Variants in PCDHGA12 observed in about 807,000 individuals in gnomAD.
PCDHGA12 encodes the protein protocadherin gamma-A12.
Under a neutral mutation model 61.1 loss-of-function variants are expected in PCDHGA12, and 43 were observed. The ratio of observed to expected loss-of-function variants is 0.70; its 90% CI spans 0.55 to 0.91. PCDHGA12 has a LOEUF of 0.91. PCDHGA12 is among the 40% of genes least tolerant of loss of function. The pLI is 0.00. For missense variants in PCDHGA12, 1,236 were observed against 1,227.7 expected, an observed-to-expected ratio of 1.01 and a Z score of -0.10; for synonymous variants, 520 against 542.9, an observed-to-expected ratio of 0.96 and a Z score of 0.59.
At chr5:141,484,454 G>T (rs932663778) in intron 1 of PCDHGA12, among the ~76,000 whole-genome samples, 2 of 152,212 alleles carry the variant, frequency 1.3e-5, no homozygotes, top group Non-Finnish European at 2.9e-5. Context: ...AATTGGCTAC[G>T]TTAATGTGTA....
chr5:141,484,068 G>C (rs1287427208), intron 1 of PCDHGA12, among the ~76,000 whole-genome samples: 1 of 152,114 alleles, frequency 6.6e-6, no homozygotes, highest in African/African-American at 2.4e-5. Flanking sequence ...TAAGTGAAAA[G>C]CTTGCTCTTT....
chr5:141,482,102 A>T (rs1016315214), intron 1 of PCDHGA12, among the ~76,000 whole-genome samples: 13 of 151,860 alleles, frequency 8.6e-5, no homozygotes, highest in African/African-American at 2.7e-4. Context: ...AAAAAAAAAA[A>T]AAATATCTAG....
Position 141,512,910 on chromosome 5 carries a change from T to C in PCDHGA12, c.*1737T>C, listed in dbSNP as rs2099884499. On this transcript the variant is annotated 3_prime_UTR_variant, in exon 4 of 4. Transcript: ENST00000252085. Reference sequence around the variant, plus strand: ...CTCTTCCTGTGTCTCACGCAAGTTTTATACTCTAATATTTATATGGCTTTT... The same window carrying C: ...CTCTTCCTGTGTCTCACGCAAGTTTCATACTCTAATATTTATATGGCTTTT... 1 of 152,274 alleles carries C rather than the reference T, an allele frequency of 6.6e-6. No homozygotes were observed. The highest frequency in any genetic ancestry group is 2.1e-4 in the South Asian group (1 of 4,836). 9.4% of individuals were successfully genotyped at this position (152,274 alleles called of 1,614,324 possible). A position where few individuals can be genotyped will look rare whatever the true frequency, so the allele number is the denominator to read the frequency against.
At chr5:141,484,795 C>G (rs1265916821) in intron 1 of PCDHGA12, among the ~76,000 whole-genome samples, 1 of 151,902 alleles carries the variant, frequency 6.6e-6, no homozygotes, top group Middle Eastern at 3.4e-3. Flanking sequence ...AGATAACAAC[C>G]CGTGGAAAAA....
chr5:141,435,951 G>A (rs371199258), intron 1 of PCDHGA12, among the ~76,000 whole-genome samples: 1 of 152,100 alleles, frequency 6.6e-6, no homozygotes, highest in Non-Finnish European at 1.5e-5. Context: ...ACCAAAAAAG[G>A]GGGCAAAATA....
Position 141,432,148 on chromosome 5 carries a change from G to C in PCDHGA12, c.1389G>C (p.Glu463Asp). ...CCTCCTATTCCGCTTATATCCCAGA[G>C]AACAATCCCAGAGGAGTTTCCCTCG... ...PQASYSAYIP[E>D]NNPRGVSLVS... is the part of the protein sequence containing the mutation. Residue 463 changes from glutamate to aspartate, a missense_variant, in exon 1 of 4, where the codon GAG becomes GAC. Glu to Asp is a conservative substitution (Grantham distance 45). Coordinates refer to ENST00000252085, the MANE Select transcript of PCDHGA12 (RefSeq NM_003735.3). The surrounding 1 kb of genome is among the most constrained non-coding windows in gnomAD (Gnocchi z 6.0). 6.2e-7 allele frequency: 1 copy of C among 1,614,002 alleles called. No individual in the cohort carries two copies. Among genetic ancestry groups the C allele is most frequent in the East Asian group, 2.2e-5 (1 of 44,876 alleles).
In PCDHGA12 at chr5:141,433,196, C is replaced by A. The variant is rs750657930; in HGVS notation, c.2424+13C>A. On this transcript the variant is annotated intron_variant, in intron 1 of 3. Coordinates refer to ENST00000252085, the MANE Select transcript of PCDHGA12 (RefSeq NM_003735.3). ...TGGGTTAATTGAGGTGAGTTTATAT[C>A]AAATCTTCTTTCTTTTTTTTTTTTA... 7 of 1,575,116 alleles carry A rather than the reference C, an allele frequency of 4.4e-6. No homozygotes were observed. The highest frequency in any genetic ancestry group is 1.4e-5 in the African/African-American group (1 of 72,692).
At chr5:141,481,656 A>G (rs1425280340) in intron 1 of PCDHGA12, among the ~76,000 whole-genome samples, 1 of 152,084 alleles carries the variant, frequency 6.6e-6, no homozygotes, top group Non-Finnish European at 1.5e-5. Context: ...CATCTCTACT[A>G]ATAATACAAA....
intron 1 of PCDHGA12, among the ~76,000 whole-genome samples, chr5:141,482,089 CA>C (rs36035257): frequency 0.43 from 58,297 of 134,322 alleles, 12,050 homozygotes; most frequent in African/African-American, 0.53. Context: ...CACTCCATCT[CA>C]AAAAAAAAAA....
rs763187246 is a variant in PCDHGA12 at position 141,477,168 on chromosome 5, A to G, written c.2425-17639A>G. ...GTGGATGTGAATGACAACGCCCCGGAGATCACAGTCACCTCCGTGTACAGC... is the reference window on the plus strand; with the variant it reads ...GTGGATGTGAATGACAACGCCCCGGGGATCACAGTCACCTCCGTGTACAGC... On this transcript the variant is annotated intron_variant, in intron 1 of 3. Transcript: ENST00000252085. The surrounding 1 kb of genome is among the most constrained non-coding windows in gnomAD (Gnocchi z 4.9). The G allele has an allele frequency of 6.2e-7, 1 of 1,614,210 alleles. No homozygotes were observed. Among genetic ancestry groups the G allele is most frequent in the Non-Finnish European group, 8.5e-7 (1 of 1,180,040 alleles).
Position 141,476,562 on chromosome 5 carries a change from C to G in PCDHGA12, c.2425-18245C>G. 1 of 1,614,218 alleles carries G rather than the reference C, an allele frequency of 6.2e-7. No individual in the cohort carries two copies. The highest frequency in any genetic ancestry group is 1.1e-5 in the South Asian group (1 of 91,088). On this transcript the variant is annotated intron_variant, in intron 1 of 3. Transcript: ENST00000252085. This position sits in a 1 kb window ranked among gnomAD's most constrained non-coding sequence, Gnocchi z 7.6. The stretch of plus-strand genomic sequence containing the variant: ...AAATTGGAGATTAGCGAGGCCGTGG[C>G]TCCGGGGACGCGCTTTCCGCTCGAG...
chr5:141,437,434 G>A (rs183505868), intron 1 of PCDHGA12, among the ~76,000 whole-genome samples: 409 of 152,312 alleles, frequency 2.7e-3, no homozygotes, highest in Middle Eastern at 6.8e-3. Flanking sequence ...AGCAGCAATA[G>A]CATAGGAATG....
intron 1 of PCDHGA12, among the ~76,000 whole-genome samples, chr5:141,475,380 T>A (rs2099362720): frequency 6.6e-6 from 1 of 152,244 alleles, no homozygotes; most frequent in South Asian, 2.1e-4. Flanking sequence ...TACTTTTAAA[T>A]TTTATAAGCC....
rs773893751 is a variant in PCDHGA12 at position 141,431,903 on chromosome 5, G to A, written c.1144G>A (p.Val382Met). 2 of 1,613,916 alleles carry A rather than the reference G, an allele frequency of 1.2e-6. No individual in the cohort carries two copies. Among genetic ancestry groups the A allele is most frequent in the South Asian group, 2.2e-5 (2 of 91,080 alleles). ...CCAAGATTCTGAGGAAAACGGACAG[G>A]TGATCTGTTTCATCCAAGGAAATCT... The part of the protein sequence containing the change: ...NDQDSEENGQ[V>M]ICFIQGNLPF... Residue 382 changes from valine to methionine, a missense_variant, in exon 1 of 4, where the codon GTG (valine) becomes ATG (methionine). Transcript: ENST00000252085. The surrounding 1 kb of genome is among the most constrained non-coding windows in gnomAD (Gnocchi z 4.8).
At chr5:141,481,587 G>A (rs1276529821) in intron 1 of PCDHGA12, among the ~76,000 whole-genome samples, 1 of 152,198 alleles carries the variant, frequency 6.6e-6, no homozygotes, top group African/African-American at 2.4e-5. Context: ...GGAGGCTGAG[G>A]CCAGCGGATC....
chr5:141,431,685 A>C lies in PCDHGA12; in HGVS notation c.926A>C (p.His309Pro). The C allele has an allele frequency of 6.2e-7, 1 of 1,614,246 alleles. No homozygotes were observed. Among genetic ancestry groups the C allele is most frequent in the East Asian group, 2.2e-5 (1 of 44,876 alleles). ...GTISTIGELD[H>P]EESGFYQMEV... ...ATATCAACAATAGGGGAGTTGGACCACGAGGAGTCAGGATTCTACCAGATG... is the reference window on the plus strand; with the variant it reads ...ATATCAACAATAGGGGAGTTGGACCCCGAGGAGTCAGGATTCTACCAGATG... Residue 309 changes from histidine to proline, a missense_variant, in exon 1 of 4, where the codon CAC becomes CCC. His to Pro is a moderately conservative substitution (Grantham distance 77). Transcript: ENST00000252085. This position sits in a 1 kb window ranked among gnomAD's most constrained non-coding sequence, Gnocchi z 4.8.
chr5:141,485,566 C>G lies in PCDHGA12; in HGVS notation c.2425-9241C>G, dbSNP rs768144422. On this transcript the variant is annotated intron_variant, in intron 1 of 3. Transcript: ENST00000252085. This position sits in a 1 kb window ranked among gnomAD's most constrained non-coding sequence, Gnocchi z 5.7. ...TCGTAGATGTGAATGATCACGCCCC[C>G]CGTTTTCCGCGGCAGCAGCTGGACT... 2.5e-6 allele frequency: 4 copies of G among 1,612,808 alleles called. No homozygotes were observed. Among genetic ancestry groups the G allele is most frequent in the South Asian group, 2.2e-5 (2 of 91,028 alleles).
intron 3 of PCDHGA12, 124 bp from the exon 4 acceptor site, chr5:141,510,823 C>A: frequency 6.4e-7 from 1 of 1,562,432 alleles, no homozygotes. Context: ...CCTATATTCC[C>A]AGTGCTCAGC....
In PCDHGA12 at chr5:141,430,705, T is replaced by C. The variant is rs914464861; in HGVS notation, c.-55T>C. 2.0e-6 allele frequency: 3 copies of C among 1,477,958 alleles called. No individual in the cohort carries two copies. Among genetic ancestry groups the C allele is most frequent in the African/African-American group, 2.8e-5 (2 of 70,872 alleles). The allele number at this position is 1,477,958 out of a possible 1,614,324, so 91.6% of individuals were successfully genotyped here. ...CCCATTCTATGGGCGAAGGAACTGC[T>C]CCTGACTTCAGTGGTTAAGGGCAGA... On this transcript the variant is annotated 5_prime_UTR_variant, in exon 1 of 4. Transcript: ENST00000252085.
Sources: allele counts gnomAD v4.1 joint callset (sites outside exome capture counted in the v4.1 genomes callset), GRCh38; gene constraint gnomAD v4.1.1; non-coding constraint Gnocchi (gnomAD v3.1); transcripts MANE v1.5; gene names NCBI Gene and HGNC (gene_info 2026-07-23, HGNC 2026-07-21).